The following PXDN variants were observed in gnomAD, a reference collection of about 807,000 sequenced individuals.
PXDN encodes the protein peroxidasin, also known as peroxidasin homolog.
PXDN carries 77 observed loss-of-function variants against 140.3 expected under a neutral mutation model. The ratio of observed to expected loss-of-function variants is 0.55; its 90% CI spans 0.46 to 0.66. PXDN has a LOEUF of 0.66. PXDN is among the 30% of genes least tolerant of loss of function. PXDN has a pLI of 0.00. For synonymous variants in PXDN, 911 were observed against 857.4 expected, an observed-to-expected ratio of 1.06 and a Z score of -1.09; for missense variants, 1,838 against 2,039.5, an observed-to-expected ratio of 0.90 and a Z score of 1.90.
At position 1,639,378 on chromosome 2, in the gene PXDN, G is replaced by T. The variant is rs1350249399; in HGVS notation, c.3997C>A (p.Arg1333=). 6.2e-7 allele frequency: 1 copy of T among 1,613,966 alleles called. No individual in the cohort carries two copies. Among genetic ancestry groups the T allele is most frequent in the Admixed American group, 1.7e-5 (1 of 60,020 alleles). The change falls in exon 20 of 23, where the codon CGA becomes AGA. Residue 1333 remains arginine (R), a synonymous_variant. Transcript: ENST00000252804. The surrounding 1 kb of genome is among the most constrained non-coding windows in gnomAD (Gnocchi z 5.0). ...GQFNAFSYHF[R]GRRSLEFSYQ... is the part of the protein sequence containing the mutation. ...CTGAACTCAAGAGACCGTCTGCCTC[G>T]GAAATGATAGGAAAAGGCATTGAAC...
chr2:1,722,760 G>A lies in PXDN; in HGVS notation c.200+21496C>T, dbSNP rs114760784. Among the ~76,000 whole-genome samples the A allele has an allele frequency of 5.4e-3, 829 of 152,334 alleles. 10 individuals carry two copies. Among genetic ancestry groups the A allele is most frequent in the African/African-American group, 0.018 (761 of 41,576 alleles). ...CACTATTCTTAAAATATGGGAGGGGGGTACGAGGAAGCAGGGACAGGGCTG... is the reference window on the plus strand; with the variant it reads ...CACTATTCTTAAAATATGGGAGGGGAGTACGAGGAAGCAGGGACAGGGCTG... On this transcript the variant is annotated intron_variant, in intron 1 of 22. Coordinates refer to ENST00000252804, the MANE Select transcript of PXDN (RefSeq NM_012293.3).
At chr2:1,740,624 G>A (rs1048554052) in intron 1 of PXDN, among the ~76,000 whole-genome samples, 8 of 151,938 alleles carry the variant, frequency 5.3e-5, no homozygotes, top group Non-Finnish European at 8.8e-5. Flanking sequence ...AGCACTGTGC[G>A]CCCTTTCCCC....
chr2:1,699,343 T>A (rs1684367302), intron 1 of PXDN, among the ~76,000 whole-genome samples: 1 of 152,180 alleles, frequency 6.6e-6, no homozygotes, highest in South Asian at 2.1e-4. Context: ...TACTGATTTT[T>A]AAAATAAAAC....
chr2:1,710,584 A>ACCCTCTCCACCAGCACC, intron 1 of PXDN, among the ~76,000 whole-genome samples: 1 of 114,782 alleles, frequency 8.7e-6, no homozygotes. Context: ...CTCCACTAGC[A>ACCCTCTCCACCAGCACC]CCCTCTCCAC....
At chr2:1,738,693 T>C (rs1243746571) in intron 1 of PXDN, among the ~76,000 whole-genome samples, 4 of 151,980 alleles carry the variant, frequency 2.6e-5, no homozygotes, top group African/African-American at 9.7e-5. Flanking sequence ...TGACCACAGG[T>C]GTGCACCACC....
At position 1,648,356 on chromosome 2, in the gene PXDN, G is replaced by A. The variant is rs764617774; in HGVS notation, c.3424C>T (p.Arg1142Trp). ...ACCGTGTGTGCCATGGAGAACAGCC[G>A]CTCCGTGAGCTCCGTGTTCAGCAGC... ...SQLLNTELTE[R>W]LFSMAHTVAL... The change falls in exon 17 of 23, where the codon CGG becomes TGG. Residue 1142 changes from arginine to tryptophan, a missense_variant. This residue lies in a region of PXDN where 850 missense variants were observed against 894.1 expected (regional missense o/e 0.95). Transcript: ENST00000252804. This position sits in a 1 kb window ranked among gnomAD's most constrained non-coding sequence, Gnocchi z 8.9. The A allele has an allele frequency of 3.7e-6, 6 of 1,613,456 alleles. No individual in the cohort carries two copies. The highest frequency in any genetic ancestry group is 5.1e-6 in the Non-Finnish European group (6 of 1,179,892).
intron 1 of PXDN, among the ~76,000 whole-genome samples, chr2:1,738,460 G>A (rs533635740): frequency 1.3e-5 from 2 of 152,180 alleles, no homozygotes; most frequent in South Asian, 2.1e-4. Flanking sequence ...ACTGTCAAGC[G>A]CAAAGGAAAA....
chr2:1,656,684 GC>G (rs1250917779), intron 14 of PXDN, among the ~76,000 whole-genome samples: 1 of 134,238 alleles, frequency 7.4e-6, no homozygotes, highest in African/African-American at 2.9e-5. Flanking sequence ...ACTGGGACCT[GC>G]CCCCCTGACA....
At chr2:1,733,598 C>T (rs1167804469) in intron 1 of PXDN, among the ~76,000 whole-genome samples, 8 of 151,882 alleles carry the variant, frequency 5.3e-5, no homozygotes, top group African/African-American at 1.7e-4. Flanking sequence ...AAAAATTAGC[C>T]AGGTGTGGCG....
chr2:1,744,077 C>G (rs1004128083), intron 1 of PXDN, among the ~76,000 whole-genome samples, 179 bp downstream of exon 1: 2 of 152,066 alleles, frequency 1.3e-5, no homozygotes, highest in African/African-American at 4.8e-5. Context: ...CGGGTCCCCG[C>G]GCCCAGGTCC....
At chr2:1,654,274 C>T (rs1683077996) in intron 15 of PXDN, 126 bp downstream of exon 15, 1 of 638,430 alleles carries the variant, frequency 1.6e-6, no homozygotes, top group Admixed American at 3.3e-5. Context: ...TTAAATTAAA[C>T]ATTTTGATCA....
At position 1,633,562 on chromosome 2, in the gene PXDN, A is replaced by G. The variant is rs1682469556; in HGVS notation, c.*642T>C. The stretch of plus-strand genomic sequence containing the variant: ...GGGATTAGATGCTGACGTGTGGTGA[A>G]ATGTTACAGAGAGCCCAGAGGAAGG... On this transcript the variant is annotated 3_prime_UTR_variant, in exon 23 of 23. Coordinates refer to ENST00000252804, the MANE Select transcript of PXDN (RefSeq NM_012293.3). The G allele has an allele frequency of 6.6e-6, 1 of 151,768 alleles. No individual in the cohort carries two copies. Among genetic ancestry groups the G allele is most frequent in the African/African-American group, 2.4e-5 (1 of 41,292 alleles). 9.4% of individuals were successfully genotyped at this position (151,768 alleles called of 1,614,324 possible). A position where few individuals can be genotyped will look rare whatever the true frequency, so the allele number is the denominator to read the frequency against.
Position 1,673,666 on chromosome 2 carries a change from G to T in PXDN, c.995C>A (p.Thr332Asn). Residue 332 changes from threonine to asparagine, a missense_variant, in exon 9 of 23, where the codon ACC becomes AAC. Around this residue, in one of 5 missense-constraint regions of PXDN, gnomAD observed 208 missense variants for 325.8 expected, o/e 0.64. Coordinates refer to ENST00000252804, the MANE Select transcript of PXDN (RefSeq NM_012293.3). ...VAGEVKTQEV[T>N]LRYFGSPARP... is the part of the protein sequence containing the mutation. The stretch of plus-strand genomic sequence containing the variant: ...ACCTGGAGACCCGAAGTACCTGAGG[G>T]TCACCTCTTGCGTCTTCACCTCTCC... 2 of 1,613,306 alleles carry T rather than the reference G, an allele frequency of 1.2e-6. No individual in the cohort carries two copies. The highest frequency in any genetic ancestry group is 1.7e-6 in the Non-Finnish European group (2 of 1,179,442).
chr2:1,669,065 G>T (rs1683514194), intron 9 of PXDN, among the ~76,000 whole-genome samples: 1 of 152,158 alleles, frequency 6.6e-6, no homozygotes, highest in South Asian at 2.1e-4. Flanking sequence ...GCCCATCAAT[G>T]ATAGACTGGA....
intron 1 of PXDN, among the ~76,000 whole-genome samples, chr2:1,712,849 C>G (rs1010890534): frequency 2.6e-5 from 4 of 152,136 alleles, no homozygotes; most frequent in Non-Finnish European, 5.9e-5. Context: ...CTCAGCCTCC[C>G]AAGTAGCTGG....
intron 1 of PXDN, among the ~76,000 whole-genome samples, chr2:1,693,531 G>A (rs1684229677): frequency 1.3e-5 from 2 of 152,210 alleles, no homozygotes; most frequent in Admixed American, 6.5e-5. Flanking sequence ...GTTTACTCCA[G>A]TGATTTCCTG....
At chr2:1,713,426 C>T (rs1684828031) in intron 1 of PXDN, among the ~76,000 whole-genome samples, 2 of 152,212 alleles carry the variant, frequency 1.3e-5, no homozygotes, top group South Asian at 2.1e-4. Flanking sequence ...GCTCAGAGGT[C>T]TTCCTGCCTC....
chr2:1,733,066 A>G (rs1438925814), intron 1 of PXDN, among the ~76,000 whole-genome samples: 1 of 152,204 alleles, frequency 6.6e-6, no homozygotes, highest in Non-Finnish European at 1.5e-5. Context: ...AAGGCACAGT[A>G]ACAAAAAATT....
rs1188388179 is a variant in PXDN, at chr2:1,661,972, C to T, written c.1680+100G>A. ...AGCAGAGGGGAGGCTGGGGCGTGGGCACTGGTCCGCCTACCTTGCTCCAGG... is the reference window on the plus strand; with the variant it reads ...AGCAGAGGGGAGGCTGGGGCGTGGGTACTGGTCCGCCTACCTTGCTCCAGG... On this transcript the variant is annotated intron_variant, in intron 13 of 22. Transcript: ENST00000252804. 8.6e-6 allele frequency: 9 copies of T among 1,046,990 alleles called. No homozygotes were observed. The Admixed American group carries it at 1.7e-4, about 19-fold the overall frequency. The allele number at this position is 1,046,990 out of a possible 1,614,324, so 64.9% of individuals were successfully genotyped here. A position where few individuals can be genotyped will look rare whatever the true frequency, so the allele number is the denominator to read the frequency against.
Sources: gnomAD v4.1 joint callset for allele counts (sites outside exome capture counted in the v4.1 genomes callset) on GRCh38, gnomAD v4.1.1 for gene constraint, gnomAD v4.1.1 regional missense constraint, Gnocchi (gnomAD v3.1) non-coding constraint, MANE v1.5 for transcripts, NCBI Gene and HGNC (gene_info 2026-07-23, HGNC 2026-07-21) for gene names.